Variants in CDC42BPA observed in about 807,000 individuals in gnomAD.
CDC42BPA encodes the protein serine/threonine-protein kinase MRCK alpha.
In CDC42BPA, 80 loss-of-function variants were observed where a neutral mutation model predicts 223.5. That is an observed-to-expected ratio of 0.36 (90% CI 0.30 to 0.43). The LOEUF is 0.43. CDC42BPA is among the 20% of genes least tolerant of loss of function. The pLI, the probability that CDC42BPA is intolerant of heterozygous loss-of-function variation, is 1.00. For missense variants in CDC42BPA, 1,743 were observed against 2,099.9 expected, an observed-to-expected ratio of 0.83 and a Z score of 3.32; for synonymous variants, 694 against 718.6, an observed-to-expected ratio of 0.97 and a Z score of 0.55.
rs1423019704 is a variant in CDC42BPA, at chr1:227,146,706, T to C, written c.894+653A>G. ...TGTTGTGTGTCTGTGTTGCTTCTAG[T>C]GTTCTGTGATCATAAATAACGTTAG... On this transcript the variant is annotated intron_variant, in intron 7 of 36. Transcript: ENST00000366766. 2.6e-5 allele frequency among the ~76,000 whole-genome samples: 4 copies of C among 152,274 alleles called. No homozygotes were observed. The East Asian group carries it at 7.7e-4, about 29-fold the overall frequency.
chr1:227,307,438 G>C (rs1013731593), intron 1 of CDC42BPA, among the ~76,000 whole-genome samples: 4 of 152,150 alleles, frequency 2.6e-5, no homozygotes, highest in Admixed American at 1.3e-4. Context: ...GTATATACCA[G>C]CATTTCCCAA....
At chr1:227,246,629 A>G (rs1681019061) in intron 2 of CDC42BPA, among the ~76,000 whole-genome samples, 1 of 152,208 alleles carries the variant, frequency 6.6e-6, no homozygotes, top group Admixed American at 6.5e-5. Context: ...CCACCAAGAC[A>G]ATACCTATAT....
At chr1:227,083,094 C>T (rs1469212826) in intron 16 of CDC42BPA, among the ~76,000 whole-genome samples, 1 of 152,066 alleles carries the variant, frequency 6.6e-6, no homozygotes, top group East Asian at 1.9e-4. Context: ...AAATGTTTCT[C>T]ATAGGTTTGG....
rs1443830879 is a variant in CDC42BPA, at chr1:227,133,146, C to T, written c.1391-3915G>A. ...TCCGGGAGGCGAGGGGCACCTCTGCCCGGCCACCCCTACTGGGAACTGAGG... is the reference window on the plus strand; with the variant it reads ...TCCGGGAGGCGAGGGGCACCTCTGCTCGGCCACCCCTACTGGGAACTGAGG... On this transcript the variant is annotated intron_variant, in intron 10 of 36. Transcript: ENST00000366766. 6.6e-5 allele frequency among the ~76,000 whole-genome samples: 10 copies of T among 151,562 alleles called. No individual in the cohort carries two copies. The East Asian group carries it at 2.0e-3, about 30-fold the overall frequency.
intron 5 of CDC42BPA, among the ~76,000 whole-genome samples, chr1:227,167,613 T>C (rs1665268321): frequency 6.6e-6 from 1 of 152,246 alleles, no homozygotes; most frequent in African/African-American, 2.4e-5. Context: ...CTCTCCTTTG[T>C]ACCTCAATGA....
At chr1:227,127,585 C>A (rs1173170848) in intron 11 of CDC42BPA, among the ~76,000 whole-genome samples, 1 of 152,156 alleles carries the variant, frequency 6.6e-6, no homozygotes, top group Non-Finnish European at 1.5e-5. Context: ...TAGTGTCATA[C>A]AACTCTAACA....
At chr1:227,225,877 A>G (rs1012367774) in intron 2 of CDC42BPA, among the ~76,000 whole-genome samples, 2 of 152,222 alleles carry the variant, frequency 1.3e-5, no homozygotes, top group Non-Finnish European at 2.9e-5. Flanking sequence ...GAACTGTATC[A>G]AAGGAGATGA....
intron 15 of CDC42BPA, among the ~76,000 whole-genome samples, chr1:227,099,776 C>A (rs1035506632): frequency 3.3e-5 from 5 of 152,116 alleles, no homozygotes; most frequent in African/African-American, 1.2e-4. Context: ...AAATCAATCA[C>A]CTTCTCAGTA....
chr1:227,132,688 G>C (rs913397774), intron 10 of CDC42BPA, among the ~76,000 whole-genome samples: 2 of 150,880 alleles, frequency 1.3e-5, no homozygotes, highest in African/African-American at 4.9e-5. Context: ...GAAGTGAGGA[G>C]CGCCTCTTCC....
At chr1:227,305,749 C>T (rs111670147) in intron 1 of CDC42BPA, among the ~76,000 whole-genome samples, 23,961 of 151,920 alleles carry the variant, frequency 0.16, 2,178 homozygotes, top group East Asian at 0.37. Flanking sequence ...GTGGATAACC[C>T]GAGGTCAGGA....
intron 10 of CDC42BPA, among the ~76,000 whole-genome samples, chr1:227,133,929 C>G (rs553854146): frequency 2.3e-4 from 35 of 149,512 alleles, no homozygotes; most frequent in Non-Finnish European, 4.8e-4. Flanking sequence ...TGCCCAATCC[C>G]CCTCTGCGAG....
chr1:227,151,721 G>T (rs953063414), intron 6 of CDC42BPA, among the ~76,000 whole-genome samples: 1 of 151,904 alleles, frequency 6.6e-6, no homozygotes, highest in African/African-American at 2.4e-5. Context: ...TAGTGATGTT[G>T]AGCACCTTTT....
chr1:227,123,285 G>A (rs574025089), intron 11 of CDC42BPA, among the ~76,000 whole-genome samples: 1 of 152,326 alleles, frequency 6.6e-6, no homozygotes, highest in East Asian at 1.9e-4. Context: ...CTGGGTGACA[G>A]AATGAGACTC....
Position 227,258,648 on chromosome 1 carries a change from A to G in CDC42BPA, c.179-4493T>C, listed in dbSNP as rs555687685. On this transcript the variant is annotated intron_variant, in intron 1 of 36. Coordinates refer to ENST00000366766, the MANE Select transcript of CDC42BPA (RefSeq NM_001394014.1). ...GTTCAGAAATTCAATGATAGAACCA[A>G]AAGAATCATGTATCAATTACTTGAA... is the stretch of plus-strand genomic sequence containing the variant. Among the ~76,000 whole-genome samples, 7 of 151,184 alleles carry G rather than the reference A, an allele frequency of 4.6e-5. No homozygotes were observed. The South Asian group carries it at 1.0e-3, about 22-fold the overall frequency.
intron 12 of CDC42BPA, 31 bp downstream of exon 12, chr1:227,119,773 A>G: frequency 7.0e-7 from 1 of 1,424,920 alleles, no homozygotes; most frequent in Non-Finnish European, 9.6e-7. Context: ...AAATAGAGAA[A>G]AAGCTTTAAT....
intron 5 of CDC42BPA, 88 bp from the exon 6 acceptor site, chr1:227,160,724 A>T (rs1442587734): frequency 1.4e-6 from 1 of 713,912 alleles, no homozygotes; most frequent in East Asian, 2.8e-5. Context: ...AAAAAATCTC[A>T]ACTTATTTTA....
intron 30 of CDC42BPA, among the ~76,000 whole-genome samples, chr1:227,026,452 G>C (rs16846836): frequency 0.067 from 10,234 of 152,144 alleles, 536 homozygotes; most frequent in East Asian, 0.25. Context: ...CATTATATTT[G>C]AACTATTTGA....
chr1:227,030,015 T>C (rs1465977052), intron 29 of CDC42BPA, among the ~76,000 whole-genome samples: 1 of 151,840 alleles, frequency 6.6e-6, no homozygotes, highest in Non-Finnish European at 1.5e-5. Context: ...ATGCCTGTAA[T>C]CCCAGCTACT....
chr1:227,049,084 G>T (rs898092653), intron 22 of CDC42BPA, among the ~76,000 whole-genome samples: 1 of 151,786 alleles, frequency 6.6e-6, no homozygotes, highest in African/African-American at 2.4e-5. Context: ...GCTTGAAAAA[G>T]TTTTAAACCA....
Sources: gnomAD v4.1 joint callset for allele counts (sites outside exome capture counted in the v4.1 genomes callset) on GRCh38, gnomAD v4.1.1 for gene constraint, MANE v1.5 for transcripts, NCBI Gene and HGNC (gene_info 2026-07-23, HGNC 2026-07-21) for gene names.